JAKMIP2: variants seen among roughly 807,000 people sequenced by gnomAD.
JAKMIP2 encodes janus kinase and microtubule interacting protein 2, also known as janus kinase and microtubule-interacting protein 2.
Under a neutral mutation model 115.0 loss-of-function variants are expected in JAKMIP2, and 25 were observed. That is an observed-to-expected ratio of 0.22 (90% confidence interval 0.16 to 0.30). The LOEUF is 0.30. Among genes scored for constraint, JAKMIP2 ranks in the 10% least tolerant of loss-of-function variants. JAKMIP2 has a pLI of 1.00. For synonymous variants in JAKMIP2, 334 were observed against 343.6 expected (o/e 0.97, Z 0.31); for missense variants, 642 against 957.6 (o/e 0.67, Z 4.35).
chr5:147,621,757 G>C (rs1452884886), intron 17 of JAKMIP2, among the ~76,000 whole-genome samples: 1 of 152,144 alleles, frequency 6.6e-6, no homozygotes, highest in Admixed American at 6.5e-5. Flanking sequence ...CAAATTATAA[G>C]CTATAATGTG....
chr5:147,730,110 C>T (rs1753671473), intron 1 of JAKMIP2, among the ~76,000 whole-genome samples: 1 of 152,154 alleles, frequency 6.6e-6, no homozygotes, highest in South Asian at 2.1e-4. Flanking sequence ...AATAAATGGT[C>T]TCTGCAGAGT....
chr5:147,610,987 G>A (rs1005567549), intron 20 of JAKMIP2, among the ~76,000 whole-genome samples: 2 of 152,138 alleles, frequency 1.3e-5, no homozygotes, highest in Non-Finnish European at 2.9e-5. Flanking sequence ...ACACTGTGAG[G>A]GGAAAGCAGC....
At chr5:147,607,684 C>T (rs140328646) in intron 20 of JAKMIP2, among the ~76,000 whole-genome samples, 17,317 of 152,110 alleles carry the variant, frequency 0.11, 1,342 homozygotes, top group South Asian at 0.27. Context: ...TGATGCTGGC[C>T]TCATAAAATG....
At chr5:147,747,335 C>T (rs1030821113) in intron 1 of JAKMIP2, among the ~76,000 whole-genome samples, 4 of 152,114 alleles carry the variant, frequency 2.6e-5, no homozygotes, top group African/African-American at 9.7e-5. Flanking sequence ...CTTAAAACGT[C>T]ACTTCTACCT....
intron 1 of JAKMIP2, among the ~76,000 whole-genome samples, chr5:147,695,853 C>T (rs1031851493): frequency 4.6e-5 from 7 of 152,010 alleles, no homozygotes; most frequent in Non-Finnish European, 1.0e-4. Context: ...ATAATAGAAA[C>T]TTTTTTTCTG....
intron 3 of JAKMIP2, among the ~76,000 whole-genome samples, chr5:147,655,282 G>T (rs530657491): frequency 5.1e-4 from 77 of 152,298 alleles, no homozygotes; most frequent in African/African-American, 1.7e-3. Context: ...AATGGTACCA[G>T]CTCCTCTTCG....
intron 1 of JAKMIP2, among the ~76,000 whole-genome samples, chr5:147,781,781 A>T (rs1179111348): frequency 1.3e-5 from 2 of 152,198 alleles, no homozygotes; most frequent in African/African-American, 4.8e-5. Context: ...ACCCATAAAA[A>T]TGGTTGCAAA....
At chr5:147,652,979 T>TA (rs1200866104) in intron 3 of JAKMIP2, among the ~76,000 whole-genome samples, 1 of 152,088 alleles carries the variant, frequency 6.6e-6, no homozygotes, top group Non-Finnish European at 1.5e-5. Flanking sequence ...GTTCCTGTGT[T>TA]AGTTTGCTGA....
chr5:147,706,347 C>A (rs1445146293), intron 1 of JAKMIP2, among the ~76,000 whole-genome samples: 1 of 152,078 alleles, frequency 6.6e-6, no homozygotes, highest in African/African-American at 2.4e-5. Flanking sequence ...CAATGCTTTT[C>A]AGTCAAGGCT....
chr5:147,672,031 G>T, intron 1 of JAKMIP2, 77 bp from the exon 2 acceptor site: 1 of 1,081,574 alleles, frequency 9.2e-7, no homozygotes, highest in Non-Finnish European at 1.1e-6. Flanking sequence ...CTCTCAGCCT[G>T]AGTTACCTGT....
intron 1 of JAKMIP2, among the ~76,000 whole-genome samples, chr5:147,672,927 A>G (rs1759703221): frequency 6.6e-6 from 1 of 152,190 alleles, no homozygotes; most frequent in Admixed American, 6.5e-5. Context: ...CCTGGAAAGG[A>G]TAGATGGCGG....
intron 2 of JAKMIP2, among the ~76,000 whole-genome samples, chr5:147,668,413 G>C (rs1270256243): frequency 6.6e-6 from 1 of 152,152 alleles, no homozygotes; most frequent in African/African-American, 2.4e-5. Flanking sequence ...AGTGGCTCAG[G>C]GTGCTGCTCC....
chr5:147,690,020 G>T (rs1402989202), intron 1 of JAKMIP2, among the ~76,000 whole-genome samples: 1 of 152,146 alleles, frequency 6.6e-6, no homozygotes, highest in East Asian at 1.9e-4. Context: ...CACTGTCATA[G>T]TGAAAAATTA....
At chr5:147,702,639 A>AAG in intron 1 of JAKMIP2, among the ~76,000 whole-genome samples, 1 of 132,834 alleles carries the variant, frequency 7.5e-6, no homozygotes, top group Non-Finnish European at 1.6e-5. Context: ...AAAGAAAGAA[A>AAG]GAAAGAAAGA....
chr5:147,640,814 A>C lies in JAKMIP2; in HGVS notation c.1291T>G (p.Leu431Val). The C allele has an allele frequency of 6.2e-7, 1 of 1,612,800 alleles. No homozygotes were observed. The highest frequency in any genetic ancestry group is 8.5e-7 in the Non-Finnish European group (1 of 1,179,550). Residue 431 changes from leucine (L) to valine (V), a missense_variant, in exon 9 of 22, where the codon TTG becomes GTG. Physicochemically the swap from Leu to Val is conservative, Grantham distance 32. This residue lies in a region of JAKMIP2 where 439 missense variants were observed against 570.9 expected (regional missense o/e 0.77). Transcript: ENST00000616793. ...RSSKPIKRPV[L>V]DPFIGYDEDS... is the part of the protein sequence containing the mutation. ...TCATCATAGCCAATAAACGGGTCCAAAACAGGCCTCTAAATGGAGGGAAAG... is the reference window on the plus strand; with the variant it reads ...TCATCATAGCCAATAAACGGGTCCACAACAGGCCTCTAAATGGAGGGAAAG...
chr5:147,716,842 T>C, intron 1 of JAKMIP2, among the ~76,000 whole-genome samples: 1 of 145,604 alleles, frequency 6.9e-6, no homozygotes, highest in South Asian at 2.3e-4. Context: ...AGAAGCTCTT[T>C]AGTTTAATTA....
chr5:147,708,742 C>G (rs1192253508), intron 1 of JAKMIP2, among the ~76,000 whole-genome samples: 1 of 152,116 alleles, frequency 6.6e-6, no homozygotes, highest in Non-Finnish European at 1.5e-5. Context: ...TGAATTATGT[C>G]TTAATCAAAG....
intron 20 of JAKMIP2, among the ~76,000 whole-genome samples, chr5:147,606,083 C>T (rs1755997024): frequency 6.6e-6 from 1 of 152,102 alleles, no homozygotes; most frequent in South Asian, 2.1e-4. Flanking sequence ...TGGATAACAG[C>T]CCTTTTTCAG....
At chr5:147,660,627 T>C in intron 3 of JAKMIP2, 1 of 359,906 alleles carries the variant, frequency 2.8e-6, no homozygotes, top group South Asian at 2.5e-5. Context: ...TTTATAAATA[T>C]CTAAGAAAAC....
Sources: gnomAD v4.1 joint callset for allele counts (sites outside exome capture counted in the v4.1 genomes callset) on GRCh38, gnomAD v4.1.1 for gene constraint, gnomAD v4.1.1 regional missense constraint, MANE v1.5 for transcripts, NCBI Gene and HGNC (gene_info 2026-07-23, HGNC 2026-07-21) for gene names.